The following CLIC5 variants were observed in gnomAD, a reference collection of about 807,000 sequenced individuals.
CLIC5 encodes CLIC family member 5, also known as chloride intracellular channel protein 5.
In CLIC5, 20 loss-of-function variants were observed where a neutral mutation model predicts 24.7. The observed-to-expected ratio is 0.81, with a 90% CI of 0.57 to 1.18. CLIC5 has a LOEUF of 1.18. CLIC5 is among the 50% of genes most tolerant of loss of function. The probability of loss-of-function intolerance (pLI) is 0.00; values close to 1 mark genes in which losing one functional copy is unlikely to be tolerated. For missense variants in CLIC5, 341 were observed against 326.1 expected (o/e 1.05, Z -0.35); for synonymous variants, 159 against 135.6 (o/e 1.17, Z -1.20).
intron 1 of CLIC5, among the ~76,000 whole-genome samples, chr6:46,032,191 A>G (rs1249872355): frequency 6.6e-6 from 1 of 152,176 alleles, no homozygotes; most frequent in African/African-American, 2.4e-5. Context: ...CATGGCTTAC[A>G]TGGCTATAGC....
At chr6:45,908,054 A>C (rs186673228) in intron 5 of CLIC5, among the ~76,000 whole-genome samples, 6 of 152,256 alleles carry the variant, frequency 3.9e-5, no homozygotes, top group Admixed American at 3.9e-4. Flanking sequence ...GTTTGTGTGC[A>C]TAGGGATGTT....
chr6:46,111,805 T>G, the CLIC5 span, among the ~76,000 whole-genome samples: 94 of 152,290 alleles, frequency 6.2e-4, no homozygotes, highest in Non-Finnish European at 1.2e-3. Context: ...TGGTGGGAAG[T>G]GATCGAATCA....
intron 4 of CLIC5, among the ~76,000 whole-genome samples, chr6:45,925,117 G>T (rs1005394809): frequency 2.0e-5 from 3 of 152,152 alleles, no homozygotes; most frequent in Admixed American, 6.5e-5. Context: ...TGTGAGAAAA[G>T]CAAATTCCTC....
chr6:46,026,239 G>A (rs571744182), intron 1 of CLIC5, among the ~76,000 whole-genome samples: 1 of 152,256 alleles, frequency 6.6e-6, no homozygotes, highest in African/African-American at 2.4e-5. Context: ...CTATCCTAAA[G>A]GTGGGGGAAG....
intron 1 of CLIC5, among the ~76,000 whole-genome samples, chr6:45,977,805 A>T (rs1207897514): frequency 6.6e-6 from 1 of 152,224 alleles, no homozygotes; most frequent in Non-Finnish European, 1.5e-5. Flanking sequence ...TCCTCTTCAG[A>T]CTACTTCTAT....
chr6:46,021,342 G>A (rs141623094), intron 1 of CLIC5, among the ~76,000 whole-genome samples: 128 of 152,270 alleles, frequency 8.4e-4, no homozygotes, highest in African/African-American at 2.8e-3. Context: ...ATGCAAAATT[G>A]TACAGTCATT....
At chr6:46,020,793 C>T (rs1405438296), upstream of CLIC5, among the ~76,000 whole-genome samples, 1 of 151,868 alleles carries the variant, frequency 6.6e-6, no homozygotes, top group Non-Finnish European at 1.5e-5. Flanking sequence ...GTACTACAAA[C>T]AACTCTCTGA....
the CLIC5 span, among the ~76,000 whole-genome samples, chr6:46,107,517 G>A: frequency 2.6e-5 from 4 of 152,230 alleles, no homozygotes; most frequent in Non-Finnish European, 5.9e-5. Flanking sequence ...CAAAATAAAA[G>A]ATAACATTGT....
At chr6:45,934,773 A>G (rs1763870466) in intron 4 of CLIC5, among the ~76,000 whole-genome samples, 1 of 152,250 alleles carries the variant, frequency 6.6e-6, no homozygotes, top group Non-Finnish European at 1.5e-5. Flanking sequence ...AGAATATGAC[A>G]CTGGCACCAA....
At chr6:46,128,976 T>C in the CLIC5 span, among the ~76,000 whole-genome samples, 4 of 152,362 alleles carry the variant, frequency 2.6e-5, no homozygotes, top group Admixed American at 1.3e-4. Context: ...GGGACCAACG[T>C]CAGAATTTGT....
downstream of CLIC5, among the ~76,000 whole-genome samples, chr6:45,896,453 T>C (rs1762393840): frequency 6.6e-6 from 1 of 152,250 alleles, no homozygotes; most frequent in Non-Finnish European, 1.5e-5. Context: ...GGGCACATGG[T>C]AATTTAATGA....
rs147407950 is a variant in CLIC5, at chr6:45,989,555, T to C, written c.63+25925A>G. Among the ~76,000 whole-genome samples the C allele has an allele frequency of 5.8e-3, 885 of 152,352 alleles. 2 individuals carry two copies. The highest frequency in any genetic ancestry group is 0.01 in the Non-Finnish European group (698 of 68,032). On this transcript the variant is annotated intron_variant, in intron 1 of 5. Coordinates refer to ENST00000339561, the MANE Select transcript of CLIC5 (RefSeq NM_016929.5). The stretch of plus-strand genomic sequence containing the variant: ...TGCTGCCCTTACAACATCGTACTCA[T>C]GACGTTAATAAGCACGTAAGTCAGG...
rs562594350 is a variant in CLIC5, at chr6:46,035,285, A to G, written c.540+44418T>C. Among the ~76,000 whole-genome samples, 431 of 152,334 alleles carry G rather than the reference A, an allele frequency of 2.8e-3. 5 individuals carry two copies. The highest frequency in any genetic ancestry group is 0.01 in the African/African-American group (416 of 41,570). ...AGAAGTTTTCAAGCCACTGAGTAAT[A>G]TTAGAGGAAGAAAAAAGAAACTAAG... On this transcript the variant is annotated intron_variant, in intron 1 of 5. Coordinates refer to the CLIC5 transcript ENST00000185206.
the CLIC5 span, among the ~76,000 whole-genome samples, chr6:46,122,696 A>G: frequency 2.0e-5 from 3 of 152,222 alleles, no homozygotes; most frequent in Admixed American, 2.0e-4. Context: ...AGACTAATAA[A>G]GAAGAAAAGA....
intron 4 of CLIC5, among the ~76,000 whole-genome samples, chr6:45,939,940 G>C (rs1561949772): frequency 6.6e-6 from 1 of 151,828 alleles, no homozygotes; most frequent in Non-Finnish European, 1.5e-5. Context: ...GCACCAAGTA[G>C]ATTGAAAGTA....
chr6:45,972,453 G>T (rs1168877226), intron 1 of CLIC5, among the ~76,000 whole-genome samples: 1 of 152,162 alleles, frequency 6.6e-6, no homozygotes, highest in African/African-American at 2.4e-5. Context: ...CCTCTTGTAA[G>T]TTTATCTCTC....
intron 1 of CLIC5, among the ~76,000 whole-genome samples, chr6:45,961,929 A>C (rs1191112447): frequency 6.6e-6 from 1 of 152,132 alleles, no homozygotes; most frequent in East Asian, 1.9e-4. Context: ...AATTAGCTCT[A>C]TGTAGACCAC....
At chr6:46,043,932 C>T (rs756232937) in intron 1 of CLIC5, among the ~76,000 whole-genome samples, 20 of 152,300 alleles carry the variant, frequency 1.3e-4, no homozygotes, top group Non-Finnish European at 2.8e-4. Context: ...CATCGGATGC[C>T]AGTCAGCCTG....
chr6:45,896,912 A>C (rs1415049141), downstream of CLIC5, among the ~76,000 whole-genome samples: 1 of 152,220 alleles, frequency 6.6e-6, no homozygotes, highest in African/African-American at 2.4e-5. Flanking sequence ...TGGCTATTAA[A>C]AAAACAACCA....
Sources: allele counts gnomAD v4.1 joint callset (sites outside exome capture counted in the v4.1 genomes callset), GRCh38; gene constraint gnomAD v4.1.1; transcripts MANE v1.5; gene names NCBI Gene and HGNC (gene_info 2026-07-23, HGNC 2026-07-21).